Variants in PTGER1 observed in about 807,000 individuals in gnomAD.
PTGER1 encodes the protein prostaglandin E2 receptor EP1 subtype.
In PTGER1, 15 loss-of-function variants were observed where a neutral mutation model predicts 18.5. That is an observed-to-expected ratio of 0.81 (90% CI 0.54 to 1.25). PTGER1 has a LOEUF of 1.25. PTGER1 is among the 50% of genes most tolerant of loss of function. The pLI is 0.00. For synonymous variants in PTGER1, 339 were observed against 308.4 expected (o/e 1.10, Z -1.04); for missense variants, 567 against 603.4 (o/e 0.94, Z 0.63).
Position 14,472,725 on chromosome 19 carries a change from A to G in PTGER1, c.1044T>C (p.Pro348=). The change falls in exon 3 of 3, where the codon CCT becomes CCC. Residue 348 remains proline (P), a synonymous_variant. Transcript: ENST00000292513. ...RLASWNQILD[P]WVYILLRQAV... ...CCTGGCGCAGTAGGATGTACACCCA[A>G]GGGTCCAGGATCTGGTTCCAGGAGG... 1.9e-6 allele frequency: 3 copies of G among 1,610,588 alleles called. No individual in the cohort carries two copies. The highest frequency in any genetic ancestry group is 2.2e-5 in the East Asian group (1 of 44,720).
At position 14,475,297 on chromosome 19, in the gene PTGER1, GC is replaced by G. The variant is rs1206158561; in HGVS notation, c.-54del. ...CTGGGATGTGGGGTCCCCATCACCG[GC>G]CGCTCAGCCCTGCCGCCCACTGCGC... On this transcript the variant is annotated 5_prime_UTR_variant, in exon 1 of 3. Coordinates refer to ENST00000292513, the MANE Select transcript of PTGER1 (RefSeq NM_000955.3). 1 of 152,432 alleles carries G rather than the reference GC, an allele frequency of 6.6e-6. No homozygotes were observed. Among genetic ancestry groups the G allele is most frequent in the Non-Finnish European group, 1.5e-5 (1 of 68,212 alleles). The allele number at this position is 152,432 out of a possible 1,614,324, so 9.4% of individuals were successfully genotyped here.
At position 14,474,132 on chromosome 19, in the gene PTGER1, G is replaced by GC. The variant is rs921010295; in HGVS notation, c.188dup (p.Leu64ProfsTer117). The GC allele has an allele frequency of 5.6e-6, 8 of 1,426,804 alleles. No homozygotes were observed. The African/African-American group carries it at 1.2e-4, about 22-fold the overall frequency. The allele number at this position is 1,426,804 out of a possible 1,614,324, so 88.4% of individuals were successfully genotyped here. On this transcript the variant is annotated frameshift_variant, in exon 2 of 3. Transcript: ENST00000292513. LOFTEE classifies it high-confidence loss of function. This position sits in a 1 kb window ranked among gnomAD's most constrained non-coding sequence, Gnocchi z 5.4. ...TGGCGGCCGAGCGGCGGCGTCGCAG[G>GC]CGGCCCGCGGCCTGCGCCAGCAGCG...
chr19:14,472,515 C>G lies in PTGER1; in HGVS notation c.*45G>C, dbSNP rs200747116. On this transcript the variant is annotated 3_prime_UTR_variant, in exon 3 of 3. Coordinates refer to ENST00000292513, the MANE Select transcript of PTGER1 (RefSeq NM_000955.3). ...AAGGCTCTGCGCCGCGCACCTGGGC[C>G]CAGCCCAGGGTGGGCTGGCTTAGTC... is the stretch of plus-strand genomic sequence containing the variant. 6.7e-7 allele frequency: 1 copy of G among 1,497,704 alleles called. No homozygotes were observed. Among genetic ancestry groups the G allele is most frequent in the Non-Finnish European group, 8.8e-7 (1 of 1,131,598 alleles). 92.8% of individuals were successfully genotyped at this position (1,497,704 alleles called of 1,614,324 possible).
chr19:14,474,093 G>T lies in PTGER1; in HGVS notation c.228C>A (p.Phe76Leu), dbSNP rs1213010378. The T allele has an allele frequency of 1.4e-6, 2 of 1,461,368 alleles. No individual in the cohort carries two copies. The highest frequency in any genetic ancestry group is 1.3e-5 in the South Asian group (1 of 78,908). The allele number at this position is 1,461,368 out of a possible 1,614,324, so 90.5% of individuals were successfully genotyped here. A position where few individuals can be genotyped will look rare whatever the true frequency, so the allele number is the denominator to read the frequency against. The change falls in exon 2 of 3, where the codon TTC (phenylalanine) becomes TTA (leucine). Residue 76 changes from phenylalanine (F) to leucine (L), a missense_variant. Coordinates refer to ENST00000292513, the MANE Select transcript of PTGER1 (RefSeq NM_000955.3). This position sits in a 1 kb window ranked among gnomAD's most constrained non-coding sequence, Gnocchi z 5.4. ...RRRSAATFLL[F>L]VASLLATDLA... ...GGTCGGTGGCCAGCAGGCTGGCCAC[G>T]AACAGCAGGAAGGTGGCGGCCGAGC...
Position 14,474,257 on chromosome 19 carries a change from A to C in PTGER1, c.64T>G (p.Trp22Gly). 1 of 1,530,464 alleles carries C rather than the reference A, an allele frequency of 6.5e-7. No individual in the cohort carries two copies. The highest frequency in any genetic ancestry group is 8.7e-7 in the Non-Finnish European group (1 of 1,144,664). The allele number at this position is 1,530,464 out of a possible 1,614,324, so 94.8% of individuals were successfully genotyped here. ...AGEATTCAAP[W>G]VPNTSAVPPS... ...GGCACGGCCGACGTGTTGGGGACCC[A>C]GGGCGCCGCGCATGTGGTCGCCTCG... Residue 22 changes from tryptophan to glycine, a missense_variant, in exon 2 of 3, where the codon TGG (tryptophan) becomes GGG (glycine). Coordinates refer to ENST00000292513, the MANE Select transcript of PTGER1 (RefSeq NM_000955.3). This position sits in a 1 kb window ranked among gnomAD's most constrained non-coding sequence, Gnocchi z 5.4.
rs1026833605 is a variant in PTGER1 at position 14,474,225 on chromosome 19, C to T, written c.96G>A (p.Ser32=). Residue 32 remains serine (S), a synonymous_variant, in exon 2 of 3, where the codon TCG becomes TCA. Transcript: ENST00000292513. The surrounding 1 kb of genome is among the most constrained non-coding windows in gnomAD (Gnocchi z 5.4). ...AGATGGGCAGCGCGGGCGAAGCGCC[C>T]GACGGCGGCACGGCCGACGTGTTGG... ...WVPNTSAVPP[S]GASPALPIFS... 2 of 1,526,940 alleles carry T rather than the reference C, an allele frequency of 1.3e-6. No homozygotes were observed. The highest frequency in any genetic ancestry group is 4.0e-5 in the Admixed American group (2 of 50,412). 94.6% of individuals were successfully genotyped at this position (1,526,940 alleles called of 1,614,324 possible).
Position 14,473,828 on chromosome 19 carries a change from C to G in PTGER1, c.493G>C (p.Ala165Pro). 3 of 1,257,274 alleles carry G rather than the reference C, an allele frequency of 2.4e-6. No homozygotes were observed. The highest frequency in any genetic ancestry group is 3.0e-6 in the Non-Finnish European group (3 of 1,006,578). The allele number at this position is 1,257,274 out of a possible 1,614,324, so 77.9% of individuals were successfully genotyped here. ...AGCGGCAGCAGCGCCACGGCCAAGG[C>G]CACCGCGGCCACCGCGGCCAGCGCC... ...RLALAAVAAV[A>P]LAVALLPLAR... The change falls in exon 2 of 3, where the codon GCC becomes CCC. Residue 165 changes from alanine (A) to proline (P), a missense_variant. Physicochemically the swap from Ala to Pro is conservative, Grantham distance 27. Transcript: ENST00000292513. This position sits in a 1 kb window ranked among gnomAD's most constrained non-coding sequence, Gnocchi z 7.1.
At position 14,473,886 on chromosome 19, in the gene PTGER1, G is replaced by C. The variant is rs1213241154; in HGVS notation, c.435C>G (p.His145Gln). 3.8e-6 allele frequency: 5 copies of C among 1,315,986 alleles called. No individual in the cohort carries two copies. Among genetic ancestry groups the C allele is most frequent in the Non-Finnish European group, 4.8e-6 (5 of 1,036,114 alleles). 81.5% of individuals were successfully genotyped at this position (1,315,986 alleles called of 1,614,324 possible). A position where few individuals can be genotyped will look rare whatever the true frequency, so the allele number is the denominator to read the frequency against. Residue 145 changes from histidine to glutamine, a missense_variant, in exon 2 of 3, where the codon CAC (histidine) becomes CAG (glutamine). By Grantham distance (24) the His-to-Gln change is conservative. Coordinates refer to ENST00000292513, the MANE Select transcript of PTGER1 (RefSeq NM_000955.3). The surrounding 1 kb of genome is among the most constrained non-coding windows in gnomAD (Gnocchi z 7.1). ...CGCGGGCGACCGAGACCCGCGCGGC[G>C]TGGAGCAGCGGCCGCGTGACGCCCA... The part of the protein sequence containing the change: ...RCVGVTRPLL[H>Q]AARVSVARAR...
chr19:14,472,830 CG>C lies in PTGER1; in HGVS notation c.943-5del. ...CGACGGCCAGCGCCACCAACACCTG[CG>C]GGGGAAGCCGGTGTGAGCTATAGAG... On this transcript the variant is annotated splice_region_variant and splice_polypyrimidine_tract_variant and intron_variant, in intron 2 of 2. Transcript: ENST00000292513. 1.9e-6 allele frequency: 3 copies of C among 1,546,038 alleles called. No individual in the cohort carries two copies. The highest frequency in any genetic ancestry group is 8.7e-7 in the Non-Finnish European group (1 of 1,148,294).
chr19:14,473,941 A>G lies in PTGER1; in HGVS notation c.380T>C (p.Leu127Pro), dbSNP rs747377183. Residue 127 changes from leucine to proline, a missense_variant, in exon 2 of 3, where the codon CTG becomes CCG. By Grantham distance (98) the Leu-to-Pro change is moderately conservative. Transcript: ENST00000292513. The surrounding 1 kb of genome is among the most constrained non-coding windows in gnomAD (Gnocchi z 7.1). The stretch of plus-strand genomic sequence containing the variant: ...GCGCTCCACGGCCATGCCACAGCCC[A>G]GCAGCAGCGGGCACAGGCCGAAGAA... ...MVFFGLCPLL[L>P]GCGMAVERCV... The G allele has an allele frequency of 1.4e-6, 2 of 1,473,300 alleles. No individual in the cohort carries two copies. Among genetic ancestry groups the G allele is most frequent in the South Asian group, 1.3e-5 (1 of 79,178 alleles). 91.3% of individuals were successfully genotyped at this position (1,473,300 alleles called of 1,614,324 possible). A position where few individuals can be genotyped will look rare whatever the true frequency, so the allele number is the denominator to read the frequency against.
chr19:14,474,119 G>C lies in PTGER1; in HGVS notation c.202C>G (p.Arg68Gly). 1.4e-6 allele frequency: 2 copies of C among 1,443,040 alleles called. No homozygotes were observed. Among genetic ancestry groups the C allele is most frequent in the Non-Finnish European group, 1.8e-6 (2 of 1,107,554 alleles). 89.4% of individuals were successfully genotyped at this position (1,443,040 alleles called of 1,614,324 possible). Residue 68 changes from arginine (R) to glycine (G), a missense_variant, in exon 2 of 3, where the codon CGC (arginine) becomes GGC (glycine). Coordinates refer to ENST00000292513, the MANE Select transcript of PTGER1 (RefSeq NM_000955.3). The surrounding 1 kb of genome is among the most constrained non-coding windows in gnomAD (Gnocchi z 5.4). Reference protein sequence around the residue: ...AQAAGRLRRRRSAATFLLFVA... With the variant: ...AQAAGRLRRRGSAATFLLFVA... ...AACAGCAGGAAGGTGGCGGCCGAGC[G>C]GCGGCGTCGCAGGCGGCCCGCGGCC...
rs2071598281 is a variant in PTGER1, at chr19:14,474,844, C to T, written c.-18+418G>A. Reference sequence around the variant, plus strand: ...GCACATCTCTCCCCACGGCCATGTCCCTGTCCCCCATGGACCCATCTCTGA... The same window carrying T: ...GCACATCTCTCCCCACGGCCATGTCTCTGTCCCCCATGGACCCATCTCTGA... On this transcript the variant is annotated intron_variant, in intron 1 of 2. Coordinates refer to ENST00000292513, the MANE Select transcript of PTGER1 (RefSeq NM_000955.3). This position sits in a 1 kb window ranked among gnomAD's most constrained non-coding sequence, Gnocchi z 5.4. 6.6e-6 allele frequency among the ~76,000 whole-genome samples: 1 copy of T among 152,200 alleles called. No homozygotes were observed. Among genetic ancestry groups the T allele is most frequent in the Admixed American group, 6.5e-5 (1 of 15,280 alleles).
In PTGER1 at chr19:14,472,608, C is replaced by G. The variant is rs1375352400; in HGVS notation, c.1161G>C (p.Glu387Asp). 2 of 1,600,896 alleles carry G rather than the reference C, an allele frequency of 1.2e-6. No homozygotes were observed. The highest frequency in any genetic ancestry group is 2.7e-5 in the African/African-American group (2 of 74,604). The change falls in exon 3 of 3, where the codon GAG (glutamate) becomes GAC (aspartate). Residue 387 changes from glutamate to aspartate, a missense_variant. Glu to Asp is a conservative substitution (Grantham distance 45, BLOSUM62 2). Coordinates refer to ENST00000292513, the MANE Select transcript of PTGER1 (RefSeq NM_000955.3). ...AGLGLTPSAW[E>D]ASSLRSSRHS... The stretch of plus-strand genomic sequence containing the variant: ...GCCGGGAGCTGCGCAGCGAGCTGGC[C>G]TCCCAGGCGCTCGGTGTTAGGCCCA...
chr19:14,472,948 A>G, intron 2 of PTGER1, 122 bp from the exon 3 acceptor site: 1 of 993,484 alleles, frequency 1.0e-6, no homozygotes, highest in Non-Finnish European at 1.4e-6. Flanking sequence ...AGGGAGGGTA[A>G]ATGGGGATCC....
At position 14,473,392 on chromosome 19, in the gene PTGER1, C is replaced by T; in HGVS notation, c.929G>A (p.Trp310Ter). ...VGIMVVSCICWSPMLVLVALA... is the reference protein window; with the variant it reads ...VGIMVVSCIC Reference sequence around the variant, plus strand: ...TGCGCCCCTCACCAGCATTGGGCTCCAGCAGATGCACGACACCACCATGAT... The same window carrying T: ...TGCGCCCCTCACCAGCATTGGGCTCTAGCAGATGCACGACACCACCATGAT... The change falls in exon 2 of 3, where the codon TGG becomes TAG. Residue 310 changes from tryptophan to a stop codon, truncating the protein, a stop_gained. Transcript: ENST00000292513. LOFTEE classifies it low-confidence loss of function (END_TRUNC). This position sits in a 1 kb window ranked among gnomAD's most constrained non-coding sequence, Gnocchi z 7.1. 1 of 1,590,338 alleles carries T rather than the reference C, an allele frequency of 6.3e-7. No individual in the cohort carries two copies. The highest frequency in any genetic ancestry group is 1.1e-5 in the South Asian group (1 of 88,222).
rs1337705028 is a variant in PTGER1, at chr19:14,474,625, C to G, written c.-17-288G>C. On this transcript the variant is annotated intron_variant, in intron 1 of 2. Coordinates refer to ENST00000292513, the MANE Select transcript of PTGER1 (RefSeq NM_000955.3). This position sits in a 1 kb window ranked among gnomAD's most constrained non-coding sequence, Gnocchi z 5.4. ...TGGTTTCCTGCAAGATTCCCCCCAG[C>G]CCCGCCCTCAGGCATCTCTGCCAGT... 1.3e-5 allele frequency among the ~76,000 whole-genome samples: 2 copies of G among 152,102 alleles called. No homozygotes were observed. Among genetic ancestry groups the G allele is most frequent in the Non-Finnish European group, 2.9e-5 (2 of 68,002 alleles).
intron 1 of PTGER1, 148 bp downstream of exon 1, chr19:14,475,114 G>A (rs1218197872): frequency 1.3e-5 from 2 of 152,660 alleles, no homozygotes; most frequent in Admixed American, 1.3e-4. Flanking sequence ...GGCCAGATGG[G>A]AAGGGAGGAT....
Position 14,474,205 on chromosome 19 carries a change from G to C in PTGER1, c.116C>G (p.Pro39Arg). Residue 39 changes from proline to arginine, a missense_variant, in exon 2 of 3, where the codon CCC becomes CGC. Transcript: ENST00000292513. This position sits in a 1 kb window ranked among gnomAD's most constrained non-coding sequence, Gnocchi z 5.4. ...GGCGCCCAGCGTCATGGAGAAGATGGGCAGCGCGGGCGAAGCGCCCGACGG... is the reference window on the plus strand; with the variant it reads ...GGCGCCCAGCGTCATGGAGAAGATGCGCAGCGCGGGCGAAGCGCCCGACGG... ...VPPSGASPAL[P>R]IFSMTLGAVS... 2 of 1,525,028 alleles carry C rather than the reference G, an allele frequency of 1.3e-6. No individual in the cohort carries two copies. Among genetic ancestry groups the C allele is most frequent in the South Asian group, 2.4e-5 (2 of 83,510 alleles). The allele number at this position is 1,525,028 out of a possible 1,614,324, so 94.5% of individuals were successfully genotyped here.
In PTGER1 at chr19:14,473,586, TGAGGCCGGGG is replaced by T. The variant is rs1203939657; in HGVS notation, c.725_734del (p.Pro242GlnfsTer137). On this transcript the variant is annotated frameshift_variant, in exon 2 of 3. Coordinates refer to ENST00000292513, the MANE Select transcript of PTGER1 (RefSeq NM_000955.3). LOFTEE classifies it high-confidence loss of function. This position sits in a 1 kb window ranked among gnomAD's most constrained non-coding sequence, Gnocchi z 7.1. ...CCCAGCGACGCCGGCTGTCGGGGCC[TGAGGCCGGGG>T]GAGGCCGTCGGGAGCGGCGTCGCCA... 21 of 1,489,442 alleles carry T rather than the reference TGAGGCCGGGG, an allele frequency of 1.4e-5. No individual in the cohort carries two copies. Among genetic ancestry groups the T allele is most frequent in the East Asian group, 8.1e-5 (3 of 37,068 alleles). 92.3% of individuals were successfully genotyped at this position (1,489,442 alleles called of 1,614,324 possible).
Sources: gnomAD v4.1 joint callset for allele counts (sites outside exome capture counted in the v4.1 genomes callset) on GRCh38, gnomAD v4.1.1 for gene constraint, Gnocchi (gnomAD v3.1) non-coding constraint, MANE v1.5 for transcripts, NCBI Gene and HGNC (gene_info 2026-07-23, HGNC 2026-07-21) for gene names.